ARHGAP20: variants seen among roughly 807,000 people sequenced by gnomAD.
The protein encoded by ARHGAP20 is Rho GTPase activating protein 20.
A neutral mutation model predicts 73.7 loss-of-function variants in ARHGAP20; 34 were observed. The observed-to-expected ratio is 0.46, with a 90% CI of 0.35 to 0.61. The LOEUF (loss-of-function observed/expected upper bound fraction) is 0.61, where lower values mean the gene tolerates loss of function less well. Among genes scored for constraint, ARHGAP20 ranks in the 20% least tolerant of loss-of-function variants. The pLI is 0.00. For missense variants in ARHGAP20, 1,314 were observed against 1,420.9 expected (o/e 0.92, Z 1.21); for synonymous variants, 523 against 518.2 (o/e 1.01, Z -0.13).
At chr11:110,607,342 C>T (rs1948257721) in intron 8 of ARHGAP20, among the ~76,000 whole-genome samples, 1 of 152,122 alleles carries the variant, frequency 6.6e-6, no homozygotes, top group Non-Finnish European at 1.5e-5. Context: ...GATTGATGTT[C>T]AGAGGCAATA....
chr11:110,678,054 G>A (rs1949967692), intron 2 of ARHGAP20, among the ~76,000 whole-genome samples: 1 of 152,170 alleles, frequency 6.6e-6, no homozygotes, highest in Admixed American at 6.5e-5. Context: ...ACTGATACAT[G>A]CTACAACATG....
intron 1 of ARHGAP20, among the ~76,000 whole-genome samples, chr11:110,696,301 G>A (rs963660004): frequency 6.6e-6 from 1 of 151,560 alleles, no homozygotes; most frequent in African/African-American, 2.4e-5. Context: ...ACTTTAGGTG[G>A]GTGAATTGTA....
At chr11:110,631,855 T>C (rs1948866288) in intron 2 of ARHGAP20, among the ~76,000 whole-genome samples, 1 of 152,204 alleles carries the variant, frequency 6.6e-6, no homozygotes, top group Non-Finnish European at 1.5e-5. Context: ...CAGTCAATCC[T>C]GACTTGATCA....
chr11:110,666,005 G>A (rs115109774), intron 2 of ARHGAP20, among the ~76,000 whole-genome samples: 8 of 151,438 alleles, frequency 5.3e-5, no homozygotes, highest in African/African-American at 1.2e-4. Flanking sequence ...GTATATATGC[G>A]TGTCCGTAGA....
At chr11:110,685,057 T>G (rs1950105729) in intron 2 of ARHGAP20, among the ~76,000 whole-genome samples, 1 of 151,962 alleles carries the variant, frequency 6.6e-6, no homozygotes, top group African/African-American at 2.4e-5. Context: ...GAATCTAAAA[T>G]TTAAAAAATG....
At chr11:110,665,520 TC>T (rs1697501188) in intron 2 of ARHGAP20, among the ~76,000 whole-genome samples, 1 of 152,152 alleles carries the variant, frequency 6.6e-6, no homozygotes, top group Non-Finnish European at 1.5e-5. Flanking sequence ...TCTAAGATTG[TC>T]CCAGATAGCA....
At chr11:110,591,138 G>C (rs930466505) in intron 10 of ARHGAP20, among the ~76,000 whole-genome samples, 2 of 152,194 alleles carry the variant, frequency 1.3e-5, no homozygotes, top group Non-Finnish European at 2.9e-5. Context: ...ATTGCTCAGA[G>C]AGTGAATTTT....
chr11:110,606,536 A>G, intron 9 of ARHGAP20, 25 bp downstream of exon 9: 2 of 1,593,540 alleles, frequency 1.3e-6, no homozygotes, highest in Non-Finnish European at 1.7e-6. Flanking sequence ...TTCAAGAACG[A>G]AAACTTTTGC....
Position 110,628,527 on chromosome 11 carries a change from A to C in ARHGAP20, c.353+2101T>G, listed in dbSNP as rs189290340. On this transcript the variant is annotated intron_variant, in intron 3 of 14. Coordinates refer to ENST00000683387, the MANE Select transcript of ARHGAP20 (RefSeq NM_001384657.1). ...CAAAGTGGCAGGATTTAATAATAAT[A>C]ATAATCATCATCATCATCTCAAATA... Among the ~76,000 whole-genome samples the C allele has an allele frequency of 2.5e-3, 384 of 152,262 alleles. 2 individuals carry two copies. Among genetic ancestry groups the C allele is most frequent in the South Asian group, 0.018 (86 of 4,826 alleles).
chr11:110,639,225 T>C (rs368943321), intron 2 of ARHGAP20, among the ~76,000 whole-genome samples: 2 of 135,950 alleles, frequency 1.5e-5, no homozygotes, highest in South Asian at 2.2e-4. Context: ...CACACACTCA[T>C]ATTTTATTCG....
intron 2 of ARHGAP20, among the ~76,000 whole-genome samples, chr11:110,639,246 C>A (rs112422197): frequency 2.7e-4 from 40 of 150,612 alleles, no homozygotes; most frequent in Middle Eastern, 3.4e-3. Flanking sequence ...ATACCCCCCC[C>A]CCACAAGAGT....
intron 2 of ARHGAP20, among the ~76,000 whole-genome samples, chr11:110,648,871 C>A (rs990155686): frequency 1.3e-5 from 2 of 152,086 alleles, no homozygotes; most frequent in Non-Finnish European, 2.9e-5. Flanking sequence ...CCCCAAAATT[C>A]AGGTAACTGA....
intron 1 of ARHGAP20, among the ~76,000 whole-genome samples, chr11:110,701,205 G>C (rs1017849429): frequency 1.3e-5 from 2 of 150,684 alleles, no homozygotes; most frequent in Non-Finnish European, 2.9e-5. Flanking sequence ...CAGTCCAACA[G>C]TGTAAAAGTG....
In ARHGAP20 at chr11:110,580,422, G is replaced by A. The variant is rs756453841; in HGVS notation, c.2524C>T (p.His842Tyr). Residue 842 changes from histidine to tyrosine, a missense_variant, in exon 15 of 15, where the codon CAT (histidine) becomes TAT (tyrosine). Coordinates refer to ENST00000683387, the MANE Select transcript of ARHGAP20 (RefSeq NM_001384657.1). ...TADALKGPRT[H>Y]RRCSEPNIED... Reference sequence around the variant, plus strand: ...ATGTTGGGCTCTGAGCAGCGCCGATGTGTCCTTGGACCCTTGAGGGCATCT... The same window carrying A: ...ATGTTGGGCTCTGAGCAGCGCCGATATGTCCTTGGACCCTTGAGGGCATCT... 3 of 1,614,096 alleles carry A rather than the reference G, an allele frequency of 1.9e-6. No homozygotes were observed. Among genetic ancestry groups the A allele is most frequent in the East Asian group, 2.2e-5 (1 of 44,892 alleles).
intron 2 of ARHGAP20, among the ~76,000 whole-genome samples, chr11:110,660,271 G>A (rs1451304655): frequency 2.0e-5 from 3 of 152,082 alleles, no homozygotes; most frequent in Non-Finnish European, 4.4e-5. Context: ...CACACTTTGA[G>A]GATCACTACC....
chr11:110,623,575 T>C (rs1948674131), intron 4 of ARHGAP20, among the ~76,000 whole-genome samples: 1 of 152,240 alleles, frequency 6.6e-6, no homozygotes, highest in South Asian at 2.1e-4. Flanking sequence ...GCTATACAAT[T>C]TGGGCAACCA....
Position 110,605,869 on chromosome 11 carries a change from A to G in ARHGAP20, c.964+692T>C, listed in dbSNP as rs1185704560. Among the ~76,000 whole-genome samples, 11 of 152,348 alleles carry G rather than the reference A, an allele frequency of 7.2e-5. No homozygotes were observed. The South Asian group carries it at 2.1e-3, about 29-fold the overall frequency. On this transcript the variant is annotated intron_variant, in intron 9 of 14. Transcript: ENST00000683387. ...TTGGTTCACATTGACAAAGGTAGCT[A>G]TAGAAATTCACAATCAATTTTCTAC...
chr11:110,690,854 G>T, intron 1 of ARHGAP20: 2 of 958,742 alleles, frequency 2.1e-6, no homozygotes, highest in Admixed American at 5.6e-5. Flanking sequence ...AGTATTTTTT[G>T]TGGTCAGAGA....
rs3741337 is a variant in ARHGAP20 at position 110,577,616 on chromosome 11, T to G, written c.*1754A>C. 548,916 of 985,698 alleles carry G rather than the reference T, an allele frequency of 0.56. 156,576 individuals carry two copies. Among genetic ancestry groups the G allele is most frequent in the Middle Eastern group, 0.64 (1,216 of 1,914 alleles). The allele number at this position is 985,698 out of a possible 1,614,324, so 61.1% of individuals were successfully genotyped here. On this transcript the variant is annotated 3_prime_UTR_variant, in exon 15 of 15. Coordinates refer to ENST00000683387, the MANE Select transcript of ARHGAP20 (RefSeq NM_001384657.1). ...ACTTTATATATTATACCAAAAAAGATGCATATGGACACTTAGAAGTCTTAA... is the reference window on the plus strand; with the variant it reads ...ACTTTATATATTATACCAAAAAAGAGGCATATGGACACTTAGAAGTCTTAA...
Sources: gnomAD v4.1 joint callset for allele counts (sites outside exome capture counted in the v4.1 genomes callset) on GRCh38, gnomAD v4.1.1 for gene constraint, MANE v1.5 for transcripts, NCBI Gene and HGNC (gene_info 2026-07-23, HGNC 2026-07-21) for gene names.